STK3: variants seen among roughly 807,000 people sequenced by gnomAD.
STK3 encodes serine/threonine-protein kinase 3.
Under a neutral mutation model 58.0 loss-of-function variants are expected in STK3, and 41 were observed. That is an observed-to-expected ratio of 0.71 (90% CI 0.55 to 0.92). The LOEUF (loss-of-function observed/expected upper bound fraction) is 0.92. Ranked by LOEUF, STK3 falls within the 40% of genes least tolerant of loss-of-function variation. STK3 has a pLI of 0.00. For missense variants in STK3, 479 were observed against 602.7 expected (o/e 0.79, Z 2.15); for synonymous variants, 170 against 191.0 (o/e 0.89, Z 0.91).
At chr8:98,614,718 G>A (rs949898442) in intron 6 of STK3, among the ~76,000 whole-genome samples, 9 of 152,182 alleles carry the variant, frequency 5.9e-5, no homozygotes, top group Non-Finnish European at 1.2e-4. Context: ...GGAAAATCGG[G>A]TCACTCTCAC....
chr8:98,431,905 T>C (rs902699129), intron 3 of STK3: 2 of 167,126 alleles, frequency 1.2e-5, no homozygotes, highest in African/African-American at 4.8e-5. Context: ...TACTCACTTC[T>C]GAGCATGAGA....
intron 10 of STK3, among the ~76,000 whole-genome samples, chr8:98,515,796 T>TTTA (rs1400611941): frequency 1.3e-5 from 2 of 151,906 alleles, no homozygotes; most frequent in Non-Finnish European, 2.9e-5. Context: ...TTTTTAAAAT[T>TTTA]TTATTATTAT....
the STK3 span, among the ~76,000 whole-genome samples, chr8:98,358,879 TTGCCGGCATCCA>T: frequency 1.3e-5 from 2 of 152,124 alleles, no homozygotes; most frequent in African/African-American, 4.8e-5. Context: ...TGTTTTAACT[TTGCCGGCATCCA>T]GGAAACCAAG....
chr8:98,713,455 A>C (rs1587392612), intron 4 of STK3, among the ~76,000 whole-genome samples: 1 of 152,368 alleles, frequency 6.6e-6, no homozygotes, highest in East Asian at 1.9e-4. Flanking sequence ...ATCACCACCG[A>C]TCCCATAGAA....
chr8:98,742,754 C>A (rs923068101), intron 4 of STK3, among the ~76,000 whole-genome samples: 30 of 151,678 alleles, frequency 2.0e-4, no homozygotes, highest in African/African-American at 3.9e-4. Context: ...AGAAGGAAAT[C>A]AAGGGTATTC....
chr8:98,466,189 A>G (rs1464734675), intron 10 of STK3, among the ~76,000 whole-genome samples: 1 of 152,240 alleles, frequency 6.6e-6, no homozygotes, highest in Non-Finnish European at 1.5e-5. Flanking sequence ...TTATACTTCA[A>G]TTTAAGAAAA....
chr8:98,863,054 G>A (rs530838733), intron 3 of STK3, among the ~76,000 whole-genome samples: 1 of 152,304 alleles, frequency 6.6e-6, no homozygotes, highest in Admixed American at 6.5e-5. Context: ...AAAAGTGAGT[G>A]GAGCCCAAGC....
intron 10 of STK3, among the ~76,000 whole-genome samples, chr8:98,486,578 AC>A (rs1822284061): frequency 6.6e-6 from 1 of 152,128 alleles, no homozygotes; most frequent in Non-Finnish European, 1.5e-5. Context: ...ATAGTACACA[AC>A]CCCCTAGGAC....
chr8:98,687,964 A>G (rs1221662989), intron 6 of STK3, among the ~76,000 whole-genome samples: 1 of 152,222 alleles, frequency 6.6e-6, no homozygotes, highest in East Asian at 1.9e-4. Context: ...TAAATGGCCC[A>G]CTTAAAAGAC....
intron 8 of STK3, among the ~76,000 whole-genome samples, chr8:98,557,384 T>G (rs1236329171): frequency 3.9e-5 from 6 of 152,080 alleles, no homozygotes; most frequent in African/African-American, 1.4e-4. Context: ...AACAGAGCAT[T>G]ACCTTGAAAC....
intron 6 of STK3, among the ~76,000 whole-genome samples, chr8:98,693,213 A>G (rs1824540733): frequency 6.6e-6 from 1 of 152,096 alleles, no homozygotes; most frequent in Non-Finnish European, 1.5e-5. Flanking sequence ...ACTGGGCAAC[A>G]TGGTGAACCC....
chr8:98,457,616 A>G (rs1819598665), intron 10 of STK3, among the ~76,000 whole-genome samples: 1 of 152,200 alleles, frequency 6.6e-6, no homozygotes, highest in East Asian at 1.9e-4. Context: ...AGATATTCCA[A>G]AAAATACTTA....
At chr8:98,811,790 G>A (rs1305695847) in intron 1 of STK3, among the ~76,000 whole-genome samples, 1 of 152,166 alleles carries the variant, frequency 6.6e-6, no homozygotes, top group Non-Finnish European at 1.5e-5. Flanking sequence ...ACTACAGGAA[G>A]TACATTTTTA....
At chr8:98,848,597 A>C (rs1244482419) in intron 3 of STK3, among the ~76,000 whole-genome samples, 2 of 152,222 alleles carry the variant, frequency 1.3e-5, no homozygotes, top group Admixed American at 1.3e-4. Context: ...GAATGGAATC[A>C]TATAAAATGT....
chr8:98,708,319 T>A (rs917200128), intron 4 of STK3, among the ~76,000 whole-genome samples: 20 of 152,094 alleles, frequency 1.3e-4, no homozygotes, highest in Non-Finnish European at 2.9e-4. Flanking sequence ...TATTTCAGAT[T>A]CTTGATGAAA....
chr8:98,489,653 CCAA>C (rs1258635234), intron 10 of STK3, among the ~76,000 whole-genome samples: 1 of 152,008 alleles, frequency 6.6e-6, no homozygotes, highest in African/African-American at 2.4e-5. Context: ...GCCGATTGTA[CCAA>C]CACCAAGATT....
chr8:98,348,603 C>T, the STK3 span, among the ~76,000 whole-genome samples: 2 of 152,098 alleles, frequency 1.3e-5, no homozygotes, highest in African/African-American at 4.8e-5. Flanking sequence ...TAAAAGTGGG[C>T]AACAGATCTG....
chr8:98,893,476 A>AAG lies in STK3; in HGVS notation c.-78-9644_-78-9643dup, dbSNP rs1192454477. 5.1e-3 allele frequency among the ~76,000 whole-genome samples: 351 copies of AAG among 69,304 alleles called. 1 individual carries two copies. Among genetic ancestry groups the AAG allele is most frequent in the African/African-American group, 0.012 (177 of 14,558 alleles). 45.5% of individuals were successfully genotyped at this position (69,304 alleles called of 152,430 possible). On this transcript the variant is annotated intron_variant, in intron 1 of 1. Coordinates refer to the STK3 transcript ENST00000519420. ...AAAGAAAGAAAGAAAGAAAGAAAGA[A>AAG]AGAAAGAAAGAGAAAGAAAGAAAGA...
At chr8:98,694,851 T>C (rs1023514942) in intron 6 of STK3, among the ~76,000 whole-genome samples, 11 of 152,228 alleles carry the variant, frequency 7.2e-5, no homozygotes, top group Admixed American at 4.6e-4. Context: ...TTTATAGTCC[T>C]TTGGGTATAT....
Sources: gnomAD v4.1 joint callset for allele counts (sites outside exome capture counted in the v4.1 genomes callset) on GRCh38, gnomAD v4.1.1 for gene constraint, MANE v1.5 for transcripts, NCBI Gene and HGNC (gene_info 2026-07-23, HGNC 2026-07-21) for gene names.